The following NCR3LG1 variants were observed in gnomAD, a reference collection of about 807,000 sequenced individuals.
The protein encoded by NCR3LG1 is natural cytotoxicity triggering receptor 3 ligand 1.
Under a neutral mutation model 34.8 loss-of-function variants are expected in NCR3LG1, and 35 were observed. The observed-to-expected ratio is 1.01, with a 90% CI of 0.77 to 1.33. The LOEUF (loss-of-function observed/expected upper bound fraction) is 1.33, where lower values mean the gene tolerates loss of function less well. Among genes scored for constraint, NCR3LG1 ranks in the 40% most tolerant of loss-of-function variants. The probability of loss-of-function intolerance (pLI) is 0.00; values close to 1 mark genes in which losing one functional copy is unlikely to be tolerated. For synonymous variants in NCR3LG1, 173 were observed against 163.6 expected (o/e 1.06, Z -0.44); for missense variants, 452 against 423.3 (o/e 1.07, Z -0.60).
chr11:17,355,466 A>C (rs556386628), intron 1 of NCR3LG1, among the ~76,000 whole-genome samples: 1 of 152,318 alleles, frequency 6.6e-6, no homozygotes, highest in Non-Finnish European at 1.5e-5. Context: ...CAAAAGATAA[A>C]ATACTTATGA....
chr11:17,362,804 T>C lies in NCR3LG1; in HGVS notation c.422-4205T>C, dbSNP rs183427545. ...TCTTTCCTTCTTTCTCTCTCTTTCTTTCTTTCTTTCTTTCTTCCTTTCTTC... is the reference window on the plus strand; with the variant it reads ...TCTTTCCTTCTTTCTCTCTCTTTCTCTCTTTCTTTCTTTCTTCCTTTCTTC... On this transcript the variant is annotated intron_variant, in intron 2 of 4. Transcript: ENST00000338965. 3.1e-3 allele frequency among the ~76,000 whole-genome samples: 386 copies of C among 125,020 alleles called. 9 individuals carry two copies. Among genetic ancestry groups the C allele is most frequent in the African/African-American group, 0.012 (288 of 23,968 alleles). The allele number at this position is 125,020 out of a possible 152,430, so 82.0% of individuals were successfully genotyped here.
chr11:17,352,074 T>C, intron 1 of NCR3LG1, 35 bp downstream of exon 1: 1 of 1,391,404 alleles, frequency 7.2e-7, no homozygotes, highest in Non-Finnish European at 9.6e-7. Context: ...GGGCGGGGGC[T>C]CCTGGCGCCA....
rs113956234 is a variant in NCR3LG1, at chr11:17,355,614, T to A, written c.71-1037T>A. On this transcript the variant is annotated intron_variant, in intron 1 of 4. Transcript: ENST00000338965. The stretch of plus-strand genomic sequence containing the variant: ...CCAGGCTACCATAACAGATATATAC[T>A]GTGTGGCTTAAACAGAAATTTATTT... Among the ~76,000 whole-genome samples the A allele has an allele frequency of 3.5e-4, 54 of 152,300 alleles. 1 individual carries two copies. The highest frequency in any genetic ancestry group is 1.3e-3 in the African/African-American group (54 of 41,574).
downstream of NCR3LG1, chr11:17,381,539 CTG>C (rs1591691618): frequency 6.5e-6 from 1 of 152,734 alleles, no homozygotes. Context: ...TCAGTCAGAA[CTG>C]TATTGCATTT....
At position 17,372,753 on chromosome 11, in the gene NCR3LG1, T is replaced by C. The variant is rs1564860085; in HGVS notation, c.*241T>C. The C allele has an allele frequency of 1.1e-5, 5 of 471,508 alleles. No homozygotes were observed. Among genetic ancestry groups the C allele is most frequent in the Non-Finnish European group, 1.9e-5 (5 of 267,390 alleles). The allele number at this position is 471,508 out of a possible 1,614,324, so 29.2% of individuals were successfully genotyped here. On this transcript the variant is annotated 3_prime_UTR_variant, in exon 5 of 5. Transcript: ENST00000338965. ...CAGAAAAATTCAGAGATGAACAACATGTCTTCTATAGCCACTCAATAAGGA... is the reference window on the plus strand; with the variant it reads ...CAGAAAAATTCAGAGATGAACAACACGTCTTCTATAGCCACTCAATAAGGA...
At chr11:17,354,545 CTTTTTTTTTTTTTTTTTT>C (rs71047545) in intron 1 of NCR3LG1, among the ~76,000 whole-genome samples, 4 of 70,294 alleles carry the variant, frequency 5.7e-5, no homozygotes, top group Non-Finnish European at 1.0e-4. Flanking sequence ...AATTCTTCTT[CTTTTTTTTTTTTTTTTTT>C]TTTTTTTTTT....
In NCR3LG1 at chr11:17,374,834, T is replaced by C. The variant is rs889730997; in HGVS notation, c.*2322T>C. The C allele has an allele frequency of 2.6e-5, 4 of 152,170 alleles. No individual in the cohort carries two copies. The highest frequency in any genetic ancestry group is 9.7e-5 in the African/African-American group (4 of 41,434). 9.4% of individuals were successfully genotyped at this position (152,170 alleles called of 1,614,324 possible). On this transcript the variant is annotated 3_prime_UTR_variant, in exon 5 of 5. Transcript: ENST00000338965. ...TGAAGGTCAAAAGGCCATTAATCAG[T>C]TAAAACAAGCCTTGCTTAAAGCACC... is the stretch of plus-strand genomic sequence containing the variant.
chr11:17,378,984 A>G (rs1250035549), downstream of NCR3LG1, among the ~76,000 whole-genome samples: 2 of 152,244 alleles, frequency 1.3e-5, no homozygotes, highest in South Asian at 2.1e-4. Flanking sequence ...CTGGGAGGAT[A>G]GGGTAGAACT....
chr11:17,371,265 C>T (rs1047472322), intron 4 of NCR3LG1, among the ~76,000 whole-genome samples: 2 of 152,124 alleles, frequency 1.3e-5, no homozygotes, highest in Admixed American at 6.5e-5. Context: ...TTTTTCCTAA[C>T]ATTTCAAACC....
chr11:17,361,961 T>G (rs1212897241), intron 2 of NCR3LG1, among the ~76,000 whole-genome samples: 3 of 152,242 alleles, frequency 2.0e-5, no homozygotes, highest in African/African-American at 7.2e-5. Flanking sequence ...TTTCTTCCAT[T>G]CTAACTTTAT....
At chr11:17,378,326 G>A (rs1033861274), downstream of NCR3LG1, among the ~76,000 whole-genome samples, 5 of 152,178 alleles carry the variant, frequency 3.3e-5, no homozygotes, top group African/African-American at 1.2e-4. Flanking sequence ...GAGAATGCGG[G>A]CTCCAGTCCC....
rs182589058 is a variant in NCR3LG1 at position 17,369,880 on chromosome 11, T to G, written c.858+916T>G. 3.3e-4 allele frequency among the ~76,000 whole-genome samples: 50 copies of G among 152,312 alleles called. No individual in the cohort carries two copies. In the East Asian group the frequency reaches 9.5e-3, roughly 29 times the overall value. On this transcript the variant is annotated intron_variant, in intron 4 of 4. Transcript: ENST00000338965. ...AGGAAGAAACTAGTCAGGCAGGCAG[T>G]TAGGGTGGGCCCTCAGTCAAATTCC...
Position 17,363,574 on chromosome 11 carries a change from C to T in NCR3LG1, c.422-3435C>T, listed in dbSNP as rs553726242. ...TTCCTTCCTTCCTTCCTTCCTCTTT[C>T]TCTCTTTTCTTTTCTTTTCTTTCTT... On this transcript the variant is annotated intron_variant, in intron 2 of 4. Transcript: ENST00000338965. Among the ~76,000 whole-genome samples the T allele has an allele frequency of 1.6e-4, 10 of 64,052 alleles. No individual in the cohort carries two copies. In the South Asian group the frequency reaches 4.8e-3, roughly 31 times the overall value. The allele number at this position is 64,052 out of a possible 152,430, so 42.0% of individuals were successfully genotyped here.
At chr11:17,363,123 A>G (rs1431214120) in intron 2 of NCR3LG1, among the ~76,000 whole-genome samples, 2 of 146,702 alleles carry the variant, frequency 1.4e-5, no homozygotes, top group African/African-American at 5.1e-5. Flanking sequence ...GATGGAGTCT[A>G]TGTTGCCCAG....
In NCR3LG1 at chr11:17,367,040, A is replaced by T; in HGVS notation, c.453A>T (p.Gln151His). 2.0e-6 allele frequency: 3 copies of T among 1,534,222 alleles called. No homozygotes were observed. Among genetic ancestry groups the T allele is most frequent in the Non-Finnish European group, 2.6e-6 (3 of 1,145,322 alleles). The part of the protein sequence containing the change: ...ASPASRLLLD[Q>H]VGMKENEDKY... ...CAGCCAGCAGATTGTTGCTGGATCA[A>T]GTGGGCATGAAAGAGAATGAAGACA... The change falls in exon 3 of 5, where the codon CAA becomes CAT. Residue 151 changes from glutamine (Q) to histidine (H), a missense_variant. Gln to His is a conservative substitution (Grantham distance 24). Transcript: ENST00000338965.
intron 2 of NCR3LG1, among the ~76,000 whole-genome samples, chr11:17,359,533 A>C (rs1057466612): frequency 8.0e-6 from 1 of 125,750 alleles, no homozygotes; most frequent in African/African-American, 3.1e-5. Flanking sequence ...TTTTTTTTTG[A>C]GACAGTCTTG....
rs1449989120 is a variant in NCR3LG1 at position 17,374,869 on chromosome 11, T to A, written c.*2357T>A. On this transcript the variant is annotated 3_prime_UTR_variant, in exon 5 of 5. Transcript: ENST00000338965. ...CCTTGCTTAAAGCACCAGCCCCCAGTCTTTCTGTAGGGAAGTCCTTTAATC... is the reference window on the plus strand; with the variant it reads ...CCTTGCTTAAAGCACCAGCCCCCAGACTTTCTGTAGGGAAGTCCTTTAATC... 1 of 150,530 alleles carries A rather than the reference T, an allele frequency of 6.6e-6. No homozygotes were observed. Among genetic ancestry groups the A allele is most frequent in the Non-Finnish European group, 1.5e-5 (1 of 67,656 alleles). 9.3% of individuals were successfully genotyped at this position (150,530 alleles called of 1,614,324 possible). A position where few individuals can be genotyped will look rare whatever the true frequency, so the allele number is the denominator to read the frequency against.
intron 2 of NCR3LG1, among the ~76,000 whole-genome samples, chr11:17,365,264 A>G (rs1161075729): frequency 2.0e-5 from 3 of 152,120 alleles, no homozygotes; most frequent in Non-Finnish European, 2.9e-5. Flanking sequence ...CAGTTTCTCT[A>G]GTGTTTTTTT....
chr11:17,361,413 G>C (rs1953268292), intron 2 of NCR3LG1, among the ~76,000 whole-genome samples: 1 of 151,526 alleles, frequency 6.6e-6, no homozygotes, highest in Non-Finnish European at 1.5e-5. Flanking sequence ...TCAGCCTCCC[G>C]AGTAGCTGGG....
Sources: gnomAD v4.1 joint callset for allele counts (sites outside exome capture counted in the v4.1 genomes callset) on GRCh38, gnomAD v4.1.1 for gene constraint, MANE v1.5 for transcripts, NCBI Gene and HGNC (gene_info 2026-07-23, HGNC 2026-07-21) for gene names.